The following CFAP54 variants were observed in gnomAD, a reference collection of about 807,000 sequenced individuals.
CFAP54 encodes cilia and flagella associated protein 54, also known as cilia- and flagella-associated protein 54.
A neutral mutation model predicts 370.4 loss-of-function variants in CFAP54; 290 were observed. The observed-to-expected ratio is 0.78, with a 90% CI of 0.71 to 0.86. The LOEUF is 0.86. CFAP54 is among the 40% of genes least tolerant of loss of function. The pLI is 0.00. For missense variants in CFAP54, 3,399 were observed against 3,528.7 expected (o/e 0.96, Z 0.93); for synonymous variants, 1,206 against 1,236.5 (o/e 0.98, Z 0.52).
At chr12:96,567,839 G>T (rs1435716104) in intron 19 of CFAP54, among the ~76,000 whole-genome samples, 1 of 152,040 alleles carries the variant, frequency 6.6e-6, no homozygotes, top group African/African-American at 2.4e-5. Flanking sequence ...CAAGTTTCCA[G>T]TGTGGGCAGG....
At chr12:96,638,336 C>A (rs192135695) in intron 32 of CFAP54, among the ~76,000 whole-genome samples, 1 of 151,130 alleles carries the variant, frequency 6.6e-6, no homozygotes. Flanking sequence ...TGGGCTTAAG[C>A]GCGATCCTCC....
intron 26 of CFAP54, among the ~76,000 whole-genome samples, chr12:96,611,644 G>C (rs1956359495): frequency 6.6e-6 from 1 of 152,134 alleles, no homozygotes; most frequent in African/African-American, 2.4e-5. Flanking sequence ...CTTGAAAAAA[G>C]ATTAGACAAA....
intron 66 of CFAP54, among the ~76,000 whole-genome samples, chr12:96,841,229 T>C (rs1173014615): frequency 6.6e-6 from 1 of 152,342 alleles, no homozygotes; most frequent in African/African-American, 2.4e-5. Context: ...AAGTCTGGCC[T>C]CATTCTGGAT....
intron 60 of CFAP54, among the ~76,000 whole-genome samples, chr12:96,770,103 T>C (rs916698697): frequency 6.6e-6 from 1 of 152,038 alleles, no homozygotes; most frequent in African/African-American, 2.4e-5. Flanking sequence ...GGGAACTGGA[T>C]TGGTATATTA....
At chr12:96,715,551 C>A (rs1186636208) in intron 48 of CFAP54, among the ~76,000 whole-genome samples, 1 of 152,108 alleles carries the variant, frequency 6.6e-6, no homozygotes, top group African/African-American at 2.4e-5. Flanking sequence ...TGAAGTATTG[C>A]TGGATTCATG....
rs1957311478 is a variant in CFAP54 at position 96,685,023 on chromosome 12, T to C, written c.5805-6T>C. 6.2e-7 allele frequency: 1 copy of C among 1,613,464 alleles called. No individual in the cohort carries two copies. On this transcript the variant is annotated splice_region_variant and splice_polypyrimidine_tract_variant and intron_variant, in intron 41 of 67. Transcript: ENST00000524981. ...CTTACTGCTTGATGCTTTGTCTCTG[T>C]TTTAGGGCTGCTTTTAAGTGTTGGT...
chr12:96,495,274 TTCCTTCC>T (rs1954938178), intron 1 of CFAP54, among the ~76,000 whole-genome samples: 1 of 148,088 alleles, frequency 6.8e-6, no homozygotes, highest in Admixed American at 6.8e-5. Context: ...CCTTCCTTCC[TTCCTTCC>T]TTCCTTCCTT....
intron 66 of CFAP54, among the ~76,000 whole-genome samples, chr12:96,848,988 G>A (rs1676184643): frequency 1.3e-5 from 2 of 152,096 alleles, no homozygotes. Context: ...TACAGTGAAA[G>A]CAAATATATC....
At position 96,500,859 on chromosome 12, in the gene CFAP54, A is replaced by G. The variant is rs1955017895; in HGVS notation, c.343A>G (p.Thr115Ala). 29 of 1,535,186 alleles carry G rather than the reference A, an allele frequency of 1.9e-5. No homozygotes were observed. Among genetic ancestry groups the G allele is most frequent in the Middle Eastern group, 1.7e-4 (1 of 5,978 alleles). The change falls in exon 2 of 68, where the codon ACT (threonine) becomes GCT (alanine). Residue 115 changes from threonine (T) to alanine (A), a missense_variant. Physicochemically the swap from Thr to Ala is moderately conservative, Grantham distance 58. Transcript: ENST00000524981. ...TGCCACTTCTTTGTTTAATATCTGG[A>G]CTAAATACGCCCCCAGGCTGCCAGC... ...RCATSLFNIWTKYAPRLPADY... is the reference protein window; with the variant it reads ...RCATSLFNIWAKYAPRLPADY...
intron 23 of CFAP54, among the ~76,000 whole-genome samples, chr12:96,590,790 T>G (rs1227136460): frequency 6.6e-6 from 1 of 152,170 alleles, no homozygotes; most frequent in Non-Finnish European, 1.5e-5. Flanking sequence ...GAACAAGTTC[T>G]TAGAGGAAGA....
chr12:96,610,726 C>A (rs977583315), intron 26 of CFAP54, among the ~76,000 whole-genome samples: 3 of 152,222 alleles, frequency 2.0e-5, no homozygotes, highest in Non-Finnish European at 4.4e-5. Context: ...GCAAATGGCA[C>A]ACCAGGAGAT....
intron 66 of CFAP54, among the ~76,000 whole-genome samples, chr12:96,841,522 T>C (rs1959215681): frequency 6.6e-6 from 1 of 152,132 alleles, no homozygotes; most frequent in Admixed American, 6.5e-5. Flanking sequence ...GACAGATGTT[T>C]TTAAATTTAA....
intron 12 of CFAP54, among the ~76,000 whole-genome samples, chr12:96,537,470 T>C (rs1232946084): frequency 3.3e-5 from 5 of 152,134 alleles, no homozygotes; most frequent in Non-Finnish European, 7.4e-5. Flanking sequence ...GCCTCCCAAG[T>C]AGCTGGGACT....
At chr12:96,596,240 T>C (rs1956177383) in intron 25 of CFAP54, among the ~76,000 whole-genome samples, 1 of 152,258 alleles carries the variant, frequency 6.6e-6, no homozygotes, top group Admixed American at 6.5e-5. Context: ...AGCTGCTCAA[T>C]TGGCTGAGTT....
intron 58 of CFAP54, among the ~76,000 whole-genome samples, chr12:96,758,869 A>T (rs1958299042): frequency 6.6e-6 from 1 of 152,140 alleles, no homozygotes; most frequent in Admixed American, 6.5e-5. Flanking sequence ...CTCCCAGGTG[A>T]TGCTGATGCC....
At chr12:96,524,173 A>G (rs922505367) in intron 8 of CFAP54, among the ~76,000 whole-genome samples, 1 of 152,184 alleles carries the variant, frequency 6.6e-6, no homozygotes, top group Non-Finnish European at 1.5e-5. Context: ...CTCTCAAAAG[A>G]TTCTTTTAAA....
intron 39 of CFAP54, among the ~76,000 whole-genome samples, chr12:96,673,519 C>T (rs577959529): frequency 6.6e-6 from 1 of 152,298 alleles, no homozygotes; most frequent in South Asian, 2.1e-4. Context: ...CAACTTGTAG[C>T]TCTCTCTAAG....
rs1196010873 is a variant in CFAP54, at chr12:96,718,478, A to G, written c.6760A>G (p.Asn2254Asp). Residue 2254 changes from asparagine (N) to aspartate (D), a missense_variant, in exon 49 of 68, where the codon AAT (asparagine) becomes GAT (aspartate). By Grantham distance (23) the Asn-to-Asp change is conservative. Coordinates refer to ENST00000524981, the MANE Select transcript of CFAP54 (RefSeq NM_001306084.2). ...YSKDDGSSFYNLTKLKDEITL... is the reference protein window; with the variant it reads ...YSKDDGSSFYDLTKLKDEITL... ...AAAGGATGATGGAAGTTCATTTTATAATCTTACAAAACTTAAAGATGAGAT... is the reference window on the plus strand; with the variant it reads ...AAAGGATGATGGAAGTTCATTTTATGATCTTACAAAACTTAAAGATGAGAT... The G allele has an allele frequency of 7.6e-6, 12 of 1,579,646 alleles. No individual in the cohort carries two copies. The highest frequency in any genetic ancestry group is 1.7e-5 in the Admixed American group (1 of 59,650).
chr12:96,501,194 G>A (rs1025629812), intron 2 of CFAP54: 10 of 319,620 alleles, frequency 3.1e-5, no homozygotes, highest in East Asian at 6.2e-5. Context: ...GAGGGTGGCC[G>A]GGTTAACAGA....
Sources: gnomAD v4.1 joint callset for allele counts (sites outside exome capture counted in the v4.1 genomes callset) on GRCh38, gnomAD v4.1.1 for gene constraint, MANE v1.5 for transcripts, NCBI Gene and HGNC (gene_info 2026-07-23, HGNC 2026-07-21) for gene names.